Variants in ANKRD13C observed in about 807,000 individuals in gnomAD.
ANKRD13C encodes ankyrin repeat domain-containing protein 13C.
ANKRD13C carries 16 observed loss-of-function variants against 65.5 expected under a neutral mutation model. The ratio of observed to expected loss-of-function variants is 0.24; its 90% CI spans 0.17 to 0.37. ANKRD13C has a LOEUF of 0.37. Ranked by LOEUF, ANKRD13C falls within the 10% of genes least tolerant of loss-of-function variation. The pLI, the probability that ANKRD13C is intolerant of heterozygous loss-of-function variation, is 1.00. For synonymous variants in ANKRD13C, 235 were observed against 238.7 expected, an observed-to-expected ratio of 0.98 and a Z score of 0.14; for missense variants, 503 against 655.9, an observed-to-expected ratio of 0.77 and a Z score of 2.55.
chr1:70,286,215 C>T (rs1388162041), intron 9 of ANKRD13C, among the ~76,000 whole-genome samples: 1 of 152,090 alleles, frequency 6.6e-6, no homozygotes, highest in Non-Finnish European at 1.5e-5. Flanking sequence ...GATAGAATTA[C>T]TATTAATATT....
chr1:70,323,678 C>T (rs1344176066), intron 3 of ANKRD13C, among the ~76,000 whole-genome samples: 1 of 150,986 alleles, frequency 6.6e-6, no homozygotes, highest in Non-Finnish European at 1.5e-5. Flanking sequence ...TTATAAAGTT[C>T]AGGAAGTCCA....
At chr1:70,340,081 C>T (rs930049511) in intron 1 of ANKRD13C, among the ~76,000 whole-genome samples, 2 of 151,922 alleles carry the variant, frequency 1.3e-5, no homozygotes, top group African/African-American at 4.8e-5. Context: ...AACTCCTGGA[C>T]TCAAGCAATC....
At chr1:70,339,771 A>G (rs1213790749) in intron 1 of ANKRD13C, among the ~76,000 whole-genome samples, 1 of 150,382 alleles carries the variant, frequency 6.6e-6, no homozygotes, top group Non-Finnish European at 1.5e-5. Context: ...CTGATTCCTA[A>G]TATCTGTTAT....
chr1:70,341,587 G>A (rs773236599), intron 1 of ANKRD13C, among the ~76,000 whole-genome samples: 14 of 151,712 alleles, frequency 9.2e-5, no homozygotes, highest in Admixed American at 2.0e-4. Flanking sequence ...CTTGAACTCC[G>A]GACCTCAAGT....
chr1:70,313,821 T>C (rs762289024), intron 4 of ANKRD13C, 31 bp from the exon 5 acceptor site: 2 of 1,539,326 alleles, frequency 1.3e-6, no homozygotes, highest in South Asian at 2.2e-5. Flanking sequence ...AATTACTAAA[T>C]GCACCTTAGT....
At chr1:70,319,817 A>G (rs556675921) in intron 3 of ANKRD13C, among the ~76,000 whole-genome samples, 6 of 152,216 alleles carry the variant, frequency 3.9e-5, no homozygotes, top group African/African-American at 1.2e-4. Context: ...TTCCCCCAGG[A>G]CTTTGTAAAT....
intron 1 of ANKRD13C, among the ~76,000 whole-genome samples, chr1:70,346,063 C>T (rs1206192602): frequency 6.6e-6 from 1 of 151,908 alleles, no homozygotes; most frequent in East Asian, 1.9e-4. Context: ...AACTCCTGAC[C>T]TCAAGTGATC....
intron 5 of ANKRD13C, among the ~76,000 whole-genome samples, chr1:70,312,415 C>T (rs1234084934): frequency 6.7e-6 from 1 of 149,990 alleles, no homozygotes; most frequent in Non-Finnish European, 1.5e-5. Context: ...AATCCCACTA[C>T]AAATTGCCTG....
rs1197286788 is a variant in ANKRD13C, at chr1:70,261,314, C to G, written c.*1403G>C. 2 of 151,978 alleles carry G rather than the reference C, an allele frequency of 1.3e-5. No individual in the cohort carries two copies. The allele number at this position is 151,978 out of a possible 1,614,324, so 9.4% of individuals were successfully genotyped here. ...TTTAAATCATATTTTCAATAAGGGT[C>G]TCTAAACTCCTTTCAAATTACCTAA... is the stretch of plus-strand genomic sequence containing the variant. On this transcript the variant is annotated 3_prime_UTR_variant, in exon 13 of 13. Transcript: ENST00000370944.
In ANKRD13C at chr1:70,354,150, C is replaced by A. The variant is rs764157882; in HGVS notation, c.259G>T (p.Ala87Ser). The A allele has an allele frequency of 1.2e-6, 2 of 1,613,902 alleles. No homozygotes were observed. Among genetic ancestry groups the A allele is most frequent in the Admixed American group, 1.7e-5 (1 of 60,000 alleles). The change falls in exon 1 of 13, where the codon GCC becomes TCC. Residue 87 changes from alanine to serine, a missense_variant. Coordinates refer to ENST00000370944, the MANE Select transcript of ANKRD13C (RefSeq NM_030816.5). ...ALPLHNSSVT[A>S]NSQSPALLAG... ...AGAAGGGCCGGGGACTGGGAGTTGG[C>A]AGTCACGGAGGAATTGTGCAGCGGC... is the stretch of plus-strand genomic sequence containing the variant.
At chr1:70,291,631 G>A (rs1015497414) in intron 9 of ANKRD13C, among the ~76,000 whole-genome samples, 3 of 152,084 alleles carry the variant, frequency 2.0e-5, no homozygotes, top group African/African-American at 7.2e-5. Flanking sequence ...ATCTTTAGCT[G>A]GGCCTTCAAA....
chr1:70,308,405 A>T (rs2101417056), intron 5 of ANKRD13C, among the ~76,000 whole-genome samples: 1 of 152,144 alleles, frequency 6.6e-6, no homozygotes. Flanking sequence ...TAAGGCAGAG[A>T]GAAAACAAGT....
chr1:70,263,572 T>C lies in ANKRD13C; in HGVS notation c.1496-725A>G, dbSNP rs1678477783. 2.0e-5 allele frequency among the ~76,000 whole-genome samples: 3 copies of C among 152,330 alleles called. No individual in the cohort carries two copies. The South Asian group carries it at 6.2e-4, about 32-fold the overall frequency. ...TGACATGAGTACAAATCATAAAGCC[T>C]GGATTCAGATTCCTATAAATCATTT... On this transcript the variant is annotated intron_variant, in intron 12 of 12. Transcript: ENST00000370944.
Position 70,274,612 on chromosome 1 carries a change from C to CT in ANKRD13C, c.1394+107dup, listed in dbSNP as rs1413912188. 4.9e-6 allele frequency: 4 copies of CT among 815,478 alleles called. No individual in the cohort carries two copies. The Admixed American group carries it at 8.4e-5, about 17-fold the overall frequency. The allele number at this position is 815,478 out of a possible 1,614,324, so 50.5% of individuals were successfully genotyped here. ...ACACTATCAAGGCAATGGCTATTTG[C>CT]TTTTCATTTCAAAGGTCTCAAATGC... On this transcript the variant is annotated intron_variant, in intron 11 of 12. Coordinates refer to ENST00000370944, the MANE Select transcript of ANKRD13C (RefSeq NM_030816.5).
At position 70,259,407 on chromosome 1, in the gene ANKRD13C, A is replaced by G. The variant is rs1341631024; in HGVS notation, c.*3310T>C. 6.6e-6 allele frequency among the ~76,000 whole-genome samples: 1 copy of G among 152,220 alleles called. No homozygotes were observed. Among genetic ancestry groups the G allele is most frequent in the Non-Finnish European group, 1.5e-5 (1 of 68,028 alleles). On this transcript the variant is annotated 3_prime_UTR_variant, in exon 13 of 13. Coordinates refer to ENST00000370944, the MANE Select transcript of ANKRD13C (RefSeq NM_030816.5). Reference sequence around the variant, plus strand: ...GTGGAAAAAGCAAAATTGTAATTCTATGTACCATAGGTACCATTATGACTG... The same window carrying G: ...GTGGAAAAAGCAAAATTGTAATTCTGTGTACCATAGGTACCATTATGACTG...
chr1:70,308,910 C>A (rs1680713699), intron 5 of ANKRD13C, among the ~76,000 whole-genome samples: 1 of 152,094 alleles, frequency 6.6e-6, no homozygotes, highest in Non-Finnish European at 1.5e-5. Flanking sequence ...AACAACCAAC[C>A]TATTTCCTGT....
chr1:70,347,239 C>T (rs1349608588), intron 1 of ANKRD13C, among the ~76,000 whole-genome samples: 1 of 151,974 alleles, frequency 6.6e-6, no homozygotes, highest in Non-Finnish European at 1.5e-5. Flanking sequence ...AAACTGATCA[C>T]CCAGCTCTCC....
chr1:70,276,749 C>A lies in ANKRD13C; in HGVS notation c.1295+16G>T, dbSNP rs750069232. The A allele has an allele frequency of 1.3e-6, 2 of 1,556,738 alleles. No homozygotes were observed. The highest frequency in any genetic ancestry group is 4.5e-5 in the East Asian group (2 of 44,016). ...TTCTAAAAACCAAATAACACATAAA[C>A]AAGAAAAAAACTTACTTTCCATTTT... On this transcript the variant is annotated intron_variant, in intron 10 of 12. Transcript: ENST00000370944.
intron 2 of ANKRD13C, among the ~76,000 whole-genome samples, chr1:70,333,745 C>A (rs1194688156): frequency 1.3e-5 from 2 of 151,936 alleles, no homozygotes; most frequent in African/African-American, 2.4e-5. Flanking sequence ...AAGTCAATCA[C>A]GAAAAAGGAG....
Sources: gnomAD v4.1 joint callset for allele counts (sites outside exome capture counted in the v4.1 genomes callset) on GRCh38, gnomAD v4.1.1 for gene constraint, MANE v1.5 for transcripts, NCBI Gene and HGNC (gene_info 2026-07-23, HGNC 2026-07-21) for gene names.